Variants in SGK3 observed in about 807,000 individuals in gnomAD.
The protein encoded by SGK3 is serum/glucocorticoid regulated kinase family member 3.
Under a neutral mutation model 68.5 loss-of-function variants are expected in SGK3, and 47 were observed. The ratio of observed to expected loss-of-function variants is 0.69; its 90% CI spans 0.54 to 0.87. The LOEUF (loss-of-function observed/expected upper bound fraction) is 0.87, where lower values mean the gene tolerates loss of function less well. SGK3 is among the 40% of genes least tolerant of loss of function. The pLI, the probability that SGK3 is intolerant of heterozygous loss-of-function variation, is 0.00. For synonymous variants in SGK3, 181 were observed against 189.1 expected (o/e 0.96, Z 0.35); for missense variants, 479 against 575.5 (o/e 0.83, Z 1.72).
At chr8:66,736,359 A>T (rs1197288503) in intron 1 of SGK3, among the ~76,000 whole-genome samples, 1 of 152,166 alleles carries the variant, frequency 6.6e-6, no homozygotes, top group Admixed American at 6.6e-5. Context: ...AGTCATCTAG[A>T]TATGATTTAA....
rs1017566066 is a variant in SGK3, at chr8:66,836,094, T to C, written c.741+20T>C. The C allele has an allele frequency of 1.9e-6, 3 of 1,600,778 alleles. No homozygotes were observed. The East Asian group carries it at 6.7e-5, about 36-fold the overall frequency. On this transcript the variant is annotated intron_variant, in intron 10 of 16. Transcript: ENST00000521198. ...GGGGAGGTGAGTTTTATAATGAGTT[T>C]TCTAATGTTAATAGTTTAGAAAAAT...
At chr8:66,734,108 A>G (rs1418187155) in intron 1 of SGK3, among the ~76,000 whole-genome samples, 1 of 152,196 alleles carries the variant, frequency 6.6e-6, no homozygotes, top group Non-Finnish European at 1.5e-5. Flanking sequence ...GGCTCAGATC[A>G]TGCAAAGCTG....
chr8:66,725,377 TG>T (rs1472375878), intron 1 of SGK3, among the ~76,000 whole-genome samples: 2 of 151,340 alleles, frequency 1.3e-5, no homozygotes, highest in Non-Finnish European at 2.9e-5. Flanking sequence ...ACCCTAGCCT[TG>T]GGTGACAGAG....
intron 1 of SGK3, among the ~76,000 whole-genome samples, chr8:66,736,154 T>A (rs1313605405): frequency 6.6e-6 from 1 of 152,222 alleles, no homozygotes; most frequent in African/African-American, 2.4e-5. Flanking sequence ...TCTTCAACTA[T>A]AGAATAGGCA....
rs973751256 is a variant in SGK3 at position 66,820,988 on chromosome 8, G to A, written c.330-1384G>A. On this transcript the variant is annotated intron_variant, in intron 5 of 16. Transcript: ENST00000521198. ...CACAGAGCATTGGGATTACAGGCAT[G>A]AGCCACCACTCCTGGCTAAGGCCTC... 7.9e-5 allele frequency among the ~76,000 whole-genome samples: 12 copies of A among 152,112 alleles called. No individual in the cohort carries two copies. In the East Asian group the frequency reaches 2.1e-3, roughly 27 times the overall value.
chr8:66,851,634 C>T (rs1810294744), intron 16 of SGK3, among the ~76,000 whole-genome samples: 1 of 151,710 alleles, frequency 6.6e-6, no homozygotes, highest in South Asian at 2.1e-4. Context: ...TAAAAATGTT[C>T]ATGTTAGCTA....
At chr8:66,801,571 A>G (rs1262472472) in intron 3 of SGK3, among the ~76,000 whole-genome samples, 1 of 152,126 alleles carries the variant, frequency 6.6e-6, no homozygotes, top group African/African-American at 2.4e-5. Flanking sequence ...TGTACCCACC[A>G]GGATGCCTGG....
In SGK3 at chr8:66,841,237, C is replaced by T. The variant is rs1018716781; in HGVS notation, c.978+127C>T. On this transcript the variant is annotated intron_variant, in intron 13 of 16. Transcript: ENST00000521198. Reference sequence around the variant, plus strand: ...AACTGTCATTTCAGCTTCCAGCCAGCTGGAAATACCTGATAATCATGCCTT... The same window carrying T: ...AACTGTCATTTCAGCTTCCAGCCAGTTGGAAATACCTGATAATCATGCCTT... 4.5e-6 allele frequency: 3 copies of T among 672,532 alleles called. No homozygotes were observed. The East Asian group carries it at 9.8e-5, about 22-fold the overall frequency. The allele number at this position is 672,532 out of a possible 1,614,324, so 41.7% of individuals were successfully genotyped here.
At chr8:66,801,657 TTCTCTC>T (rs145435219) in intron 3 of SGK3, among the ~76,000 whole-genome samples, 1 of 151,442 alleles carries the variant, frequency 6.6e-6, no homozygotes, top group Non-Finnish European at 1.5e-5. Flanking sequence ...CCCTCTCTCT[TTCTCTC>T]TCTCTCTCAC....
Position 66,754,454 on chromosome 8 carries a change from G to T in SGK3, c.-121-39162G>T, listed in dbSNP as rs74344919. On this transcript the variant is annotated intron_variant, in intron 1 of 16. Coordinates refer to ENST00000521198, the MANE Select transcript of SGK3 (RefSeq NM_001033578.3). ...GCTTGACCACCAAGATTACTGATTT[G>T]CTGGGACAGGTTGAGTATCTTTTAT... Among the ~76,000 whole-genome samples, 1,145 of 152,286 alleles carry T rather than the reference G, an allele frequency of 7.5e-3. 11 individuals are homozygous for T. Among genetic ancestry groups the T allele is most frequent in the African/African-American group, 0.026 (1,077 of 41,552 alleles).
At chr8:66,750,209 C>T (rs1023328377) in intron 1 of SGK3, among the ~76,000 whole-genome samples, 1 of 152,008 alleles carries the variant, frequency 6.6e-6, no homozygotes, top group African/African-American at 2.4e-5. Context: ...TGTTTATTGC[C>T]AATGCTGTCC....
chr8:66,746,986 C>T (rs1310145789), intron 1 of SGK3, among the ~76,000 whole-genome samples: 1 of 151,600 alleles, frequency 6.6e-6, no homozygotes. Context: ...TATTCACTGG[C>T]ATACTGTTTT....
chr8:66,767,556 A>G (rs928533280), intron 1 of SGK3: 8 of 1,478,772 alleles, frequency 5.4e-6, no homozygotes, highest in South Asian at 1.1e-5. Context: ...CTCTCTCCTC[A>G]TCAAGTATCA....
At chr8:66,755,649 C>G (rs1246718815) in intron 1 of SGK3, among the ~76,000 whole-genome samples, 1 of 152,188 alleles carries the variant, frequency 6.6e-6, no homozygotes, top group East Asian at 1.9e-4. Flanking sequence ...CACTCCCGTA[C>G]TCATTGAGTG....
intron 1 of SGK3, among the ~76,000 whole-genome samples, chr8:66,726,112 G>A (rs1346629069): frequency 6.6e-6 from 1 of 152,078 alleles, no homozygotes; most frequent in Non-Finnish European, 1.5e-5. Context: ...CAGGATTTTT[G>A]TAGTTTTTAT....
At chr8:66,816,448 T>G (rs1224870836) in intron 5 of SGK3, among the ~76,000 whole-genome samples, 1 of 147,022 alleles carries the variant, frequency 6.8e-6, no homozygotes, top group Non-Finnish European at 1.5e-5. Context: ...CAGGTTCAAG[T>G]GATTCTCCTA....
intron 12 of SGK3, chr8:66,840,534 T>C (rs1809758663): frequency 3.3e-6 from 1 of 301,274 alleles, no homozygotes; most frequent in Non-Finnish European, 6.1e-6. Context: ...AGCATGCATG[T>C]AAAAAGTGAA....
chr8:66,734,259 A>G (rs1805253257), intron 1 of SGK3, among the ~76,000 whole-genome samples: 1 of 128,244 alleles, frequency 7.8e-6, no homozygotes, highest in Non-Finnish European at 1.6e-5. Flanking sequence ...TACCATTTTG[A>G]AATGATGTAT....
chr8:66,815,347 A>G lies in SGK3; in HGVS notation c.329+1419A>G, dbSNP rs144261674. Among the ~76,000 whole-genome samples, 211 of 152,346 alleles carry G rather than the reference A, an allele frequency of 1.4e-3. 1 individual carries two copies. Among genetic ancestry groups the G allele is most frequent in the African/African-American group, 4.7e-3 (194 of 41,588 alleles). On this transcript the variant is annotated intron_variant, in intron 5 of 16. Transcript: ENST00000521198. Reference sequence around the variant, plus strand: ...TGGTCACACCAGCATTAGACAGTGCAGTAAGAACAGGTATCCTCTGCCACC... The same window carrying G: ...TGGTCACACCAGCATTAGACAGTGCGGTAAGAACAGGTATCCTCTGCCACC...
Sources: gnomAD v4.1 joint callset for allele counts (sites outside exome capture counted in the v4.1 genomes callset) on GRCh38, gnomAD v4.1.1 for gene constraint, MANE v1.5 for transcripts, NCBI Gene and HGNC (gene_info 2026-07-23, HGNC 2026-07-21) for gene names.